The following ERGIC1 variants were observed in gnomAD, a reference collection of about 807,000 sequenced individuals.
ERGIC1 encodes endoplasmic reticulum-Golgi intermediate compartment protein 1.
ERGIC1 carries 19 observed loss-of-function variants against 38.3 expected under a neutral mutation model. The observed-to-expected ratio is 0.50, with a 90% CI of 0.35 to 0.73. The LOEUF is 0.73. ERGIC1 is among the 30% of genes least tolerant of loss of function. ERGIC1 has a pLI of 0.01. For synonymous variants in ERGIC1, 124 were observed against 157.6 expected (o/e 0.79, Z 1.60); for missense variants, 294 against 389.2 (o/e 0.76, Z 2.06).
chr5:172,859,714 C>T (rs1761648402), intron 1 of ERGIC1, among the ~76,000 whole-genome samples: 1 of 152,212 alleles, frequency 6.6e-6, no homozygotes, highest in South Asian at 2.1e-4. Flanking sequence ...TGGATTGCAG[C>T]CCTTGCTGCT....
intron 5 of ERGIC1, among the ~76,000 whole-genome samples, chr5:172,918,494 G>T (rs1472251653): frequency 6.6e-6 from 1 of 152,236 alleles, no homozygotes; most frequent in African/African-American, 2.4e-5. Context: ...GCAAGAAGGG[G>T]CAGTCGAACA....
chr5:172,872,635 T>C (rs998823090), intron 1 of ERGIC1, among the ~76,000 whole-genome samples: 1 of 152,034 alleles, frequency 6.6e-6, no homozygotes, highest in African/African-American at 2.4e-5. Context: ...GCCAACATGA[T>C]GAAACCCTGC....
chr5:172,905,243 G>A (rs776989734), intron 3 of ERGIC1: 8 of 264,916 alleles, frequency 3.0e-5, no homozygotes, highest in South Asian at 1.8e-4. Context: ...GGGAAGGGAA[G>A]CCCAGGCTCT....
At chr5:172,862,332 A>AAAAAAAAAC (rs1761733651) in intron 1 of ERGIC1, among the ~76,000 whole-genome samples, 1 of 150,208 alleles carries the variant, frequency 6.7e-6, no homozygotes, top group Non-Finnish European at 1.5e-5. Context: ...AAAAAAAAAA[A>AAAAAAAAAC]GATGGCACAA....
chr5:172,948,807 G>T (rs993078827), intron 9 of ERGIC1, among the ~76,000 whole-genome samples: 2 of 152,186 alleles, frequency 1.3e-5, no homozygotes, highest in Non-Finnish European at 2.9e-5. Context: ...CTAGCACTTT[G>T]GGGGGCTGAG....
At chr5:172,853,481 C>T (rs559390602) in intron 1 of ERGIC1, among the ~76,000 whole-genome samples, 3 of 152,236 alleles carry the variant, frequency 2.0e-5, no homozygotes, top group Admixed American at 2.0e-4. Flanking sequence ...CTGCCTCGAT[C>T]CCCACAGCAG....
rs1288912579 is a variant in ERGIC1 at position 172,834,580 on chromosome 5, G to GGCCCCCC, written c.20+147_20+148insGCCCCCC. ...GCAGGCCCCTAGGGACCCCAGGCGAGCCCCCCCCCTGCCGCACACGAAGCC... is the reference window on the plus strand; with the variant it reads ...GCAGGCCCCTAGGGACCCCAGGCGAGGCCCCCCCCCCCCCCCTGCCGCACACGAAGCC... On this transcript the variant is annotated intron_variant, in intron 1 of 9. Coordinates refer to ENST00000393784, the MANE Select transcript of ERGIC1 (RefSeq NM_001031711.3). This position sits in a 1 kb window ranked among gnomAD's most constrained non-coding sequence, Gnocchi z 4.1. 1.9e-6 allele frequency: 1 copy of GGCCCCCC among 522,344 alleles called. No individual in the cohort carries two copies. The highest frequency in any genetic ancestry group is 2.7e-6 in the Non-Finnish European group (1 of 374,492). 32.4% of individuals were successfully genotyped at this position (522,344 alleles called of 1,614,324 possible). A position where few individuals can be genotyped will look rare whatever the true frequency, so the allele number is the denominator to read the frequency against.
intron 1 of ERGIC1, among the ~76,000 whole-genome samples, chr5:172,854,667 G>A (rs536987308): frequency 6.6e-6 from 1 of 152,364 alleles, no homozygotes; most frequent in African/African-American, 2.4e-5. Flanking sequence ...GCCGGTTCCC[G>A]CCTTGTTCCC....
chr5:172,865,946 C>T (rs1006129599), intron 1 of ERGIC1, among the ~76,000 whole-genome samples: 1 of 152,182 alleles, frequency 6.6e-6, no homozygotes, highest in African/African-American at 2.4e-5. Context: ...CTTCTGTCTG[C>T]ACTTTCCATT....
intron 7 of ERGIC1, among the ~76,000 whole-genome samples, chr5:172,929,153 A>ATGTGTGTGTGTG (rs70984922): frequency 6.7e-5 from 10 of 150,072 alleles, no homozygotes; most frequent in Admixed American, 2.0e-4. Context: ...ATATATATAT[A>ATGTGTGTGTGTG]TGTGTGTGTG....
chr5:172,898,209 T>C (rs936251423), intron 3 of ERGIC1: 6 of 252,626 alleles, frequency 2.4e-5, no homozygotes, highest in Non-Finnish European at 4.5e-5. Context: ...CACAAGACAA[T>C]AGGAAACTAA....
chr5:172,881,942 A>G (rs1048159692), intron 1 of ERGIC1, among the ~76,000 whole-genome samples: 2 of 152,158 alleles, frequency 1.3e-5, no homozygotes, highest in African/African-American at 4.8e-5. Context: ...GCTGGTCACA[A>G]CTGGTCACAT....
intron 3 of ERGIC1, among the ~76,000 whole-genome samples, chr5:172,900,188 G>C (rs938797380): frequency 6.6e-6 from 1 of 152,158 alleles, no homozygotes; most frequent in Admixed American, 6.5e-5. Context: ...AGCAGGTGGG[G>C]CCCCACCCGC....
Position 172,908,312 on chromosome 5 carries a change from G to GC in ERGIC1, c.156-1355_156-1354insC, listed in dbSNP as rs1763094438. On this transcript the variant is annotated intron_variant, in intron 3 of 9. Transcript: ENST00000393784. ...TGGGAGGCTGAGGCGGGGGCGGGGG[G>GC]GGGGGGAGAGAGGGGAGGGGGGGAG... Among the ~76,000 whole-genome samples, 7 of 30,460 alleles carry GC rather than the reference G, an allele frequency of 2.3e-4. 1 individual carries two copies. Among genetic ancestry groups the GC allele is most frequent in the Non-Finnish European group, 4.7e-4 (7 of 14,948 alleles). 20.0% of individuals were successfully genotyped at this position (30,460 alleles called of 152,430 possible).
chr5:172,857,439 T>G (rs1057011192), intron 1 of ERGIC1, among the ~76,000 whole-genome samples: 1 of 152,148 alleles, frequency 6.6e-6, no homozygotes, highest in Non-Finnish European at 1.5e-5. Flanking sequence ...GGGAGGAGAC[T>G]TCTCTTGAGC....
chr5:172,868,379 T>C (rs551236236), intron 1 of ERGIC1, among the ~76,000 whole-genome samples: 1 of 152,270 alleles, frequency 6.6e-6, no homozygotes, highest in South Asian at 2.1e-4. Context: ...GATTGAAAGG[T>C]AATGAGCTAG....
At chr5:172,925,339 G>A (rs1320038747) in intron 6 of ERGIC1, among the ~76,000 whole-genome samples, 1 of 152,182 alleles carries the variant, frequency 6.6e-6, no homozygotes, top group African/African-American at 2.4e-5. Context: ...TCTTGTCTCT[G>A]TAACCACCGT....
At chr5:172,884,715 A>G (rs1762375599) in intron 1 of ERGIC1, among the ~76,000 whole-genome samples, 1 of 152,248 alleles carries the variant, frequency 6.6e-6, no homozygotes, top group Non-Finnish European at 1.5e-5. Context: ...AATAGTGATT[A>G]GAAGCCAAGG....
intron 3 of ERGIC1, among the ~76,000 whole-genome samples, chr5:172,904,483 G>A (rs1762968106): frequency 6.6e-6 from 1 of 152,246 alleles, no homozygotes; most frequent in Admixed American, 6.5e-5. Context: ...GGCAGAGCCA[G>A]GAGGTGAGCC....
Sources: allele counts gnomAD v4.1 joint callset (sites outside exome capture counted in the v4.1 genomes callset), GRCh38; gene constraint gnomAD v4.1.1; non-coding constraint Gnocchi (gnomAD v3.1); transcripts MANE v1.5; gene names NCBI Gene and HGNC (gene_info 2026-07-23, HGNC 2026-07-21).